Variants in MAP3K9 observed in about 807,000 individuals in gnomAD.
MAP3K9 encodes mitogen-activated protein kinase kinase kinase 9.
A neutral mutation model predicts 95.8 loss-of-function variants in MAP3K9; 46 were observed. The ratio of observed to expected loss-of-function variants is 0.48; its 90% CI spans 0.38 to 0.61. MAP3K9 has a LOEUF of 0.61. MAP3K9 is among the 20% of genes least tolerant of loss of function. The pLI is 0.00. For missense variants in MAP3K9, 1,296 were observed against 1,474.3 expected, an observed-to-expected ratio of 0.88 and a Z score of 1.98; for synonymous variants, 533 against 593.8, an observed-to-expected ratio of 0.90 and a Z score of 1.49.
In MAP3K9 at chr14:70,754,732, A is replaced by G. The variant is rs574983389; in HGVS notation, c.1002-4651T>C. The stretch of plus-strand genomic sequence containing the variant: ...GTGATCTGCCCGCCTCAGCCTCCCA[A>G]AGTGCTGAGATTACAGGTGTAAGCC... On this transcript the variant is annotated intron_variant, in intron 3 of 11. Coordinates refer to ENST00000554752, the MANE Select transcript of MAP3K9 (RefSeq NM_001284230.2). Among the ~76,000 whole-genome samples, 3 of 152,196 alleles carry G rather than the reference A, an allele frequency of 2.0e-5. No homozygotes were observed. In the South Asian group the frequency reaches 6.2e-4, roughly 32 times the overall value.
At chr14:70,762,942 T>G (rs1006017296) in intron 2 of MAP3K9, among the ~76,000 whole-genome samples, 7 of 152,246 alleles carry the variant, frequency 4.6e-5, no homozygotes, top group African/African-American at 1.7e-4. Context: ...TTCTTTTGCA[T>G]GTGGCTATGC....
At position 70,761,148 on chromosome 14, in the gene MAP3K9, C is replaced by A; in HGVS notation, c.855G>T (p.Leu285=). 6.2e-7 allele frequency: 1 copy of A among 1,614,028 alleles called. No homozygotes were observed. Among genetic ancestry groups the A allele is most frequent in the Non-Finnish European group, 8.5e-7 (1 of 1,179,958 alleles). ...LILQKVENGD[L]SNKILKITDF... is the part of the protein sequence containing the mutation. Reference sequence around the variant, plus strand: ...CAGTGATCTTCAGAATCTTGTTGCTCAGGTCTCCATTCTCCACCTTCTGGA... The same window carrying A: ...CAGTGATCTTCAGAATCTTGTTGCTAAGGTCTCCATTCTCCACCTTCTGGA... Residue 285 remains leucine (L), a synonymous_variant, in exon 3 of 12, where the codon CTG becomes CTT. Transcript: ENST00000554752.
At chr14:70,764,277 G>A (rs1741133314) in intron 2 of MAP3K9, among the ~76,000 whole-genome samples, 1 of 151,006 alleles carries the variant, frequency 6.6e-6, no homozygotes, top group Admixed American at 6.6e-5. Flanking sequence ...TGTTATTATA[G>A]GAGATTAACA....
At chr14:70,796,547 G>A (rs1055849760) in intron 2 of MAP3K9, among the ~76,000 whole-genome samples, 1 of 152,174 alleles carries the variant, frequency 6.6e-6, no homozygotes, top group Non-Finnish European at 1.5e-5. Context: ...TGGGTTCAAT[G>A]ACACCCAGCA....
chr14:70,736,125 A>T, intron 8 of MAP3K9, 96 bp from the exon 9 acceptor site: 1 of 765,562 alleles, frequency 1.3e-6, no homozygotes, highest in Non-Finnish European at 2.3e-6. Flanking sequence ...TTCACACCAC[A>T]TCGCCAGCTG....
chr14:70,781,137 C>A (rs1023690352), intron 2 of MAP3K9, among the ~76,000 whole-genome samples: 5 of 152,224 alleles, frequency 3.3e-5, no homozygotes, highest in Admixed American at 1.3e-4. Context: ...CTCACTTTAA[C>A]AGAATGCAGA....
intron 6 of MAP3K9, among the ~76,000 whole-genome samples, chr14:70,741,291 T>C (rs1044819743): frequency 2.6e-5 from 4 of 152,164 alleles, no homozygotes; most frequent in Admixed American, 2.0e-4. Flanking sequence ...GGTATCTGCA[T>C]GTTGGTCAGG....
At chr14:70,783,280 G>A (rs576137263) in intron 2 of MAP3K9, 7 of 938,050 alleles carry the variant, frequency 7.5e-6, no homozygotes, top group African/African-American at 5.3e-5. Context: ...GAAGGAAGAC[G>A]GCATCCTAAA....
intron 3 of MAP3K9, among the ~76,000 whole-genome samples, chr14:70,760,475 G>C (rs2139779227): frequency 6.6e-6 from 1 of 152,268 alleles, no homozygotes; most frequent in South Asian, 2.1e-4. Context: ...TCAACAGATA[G>C]AGCCTTGACT....
chr14:70,774,386 C>T (rs929647117), intron 2 of MAP3K9, among the ~76,000 whole-genome samples: 4 of 152,218 alleles, frequency 2.6e-5, no homozygotes, highest in Admixed American at 2.0e-4. Context: ...TTATATCAGG[C>T]TGGGCGCGGT....
chr14:70,787,934 G>A (rs376585149), intron 2 of MAP3K9, among the ~76,000 whole-genome samples: 1 of 152,164 alleles, frequency 6.6e-6, no homozygotes, highest in South Asian at 2.1e-4. Flanking sequence ...GAGATGGGGG[G>A]AGCAAGGGAA....
rs773668297 is a variant in MAP3K9 at position 70,809,037 on chromosome 14, G to C, written c.135C>G (p.Pro45=). Residue 45 remains proline (P), a synonymous_variant, in exon 1 of 12, where the codon CCC becomes CCG. Transcript: ENST00000554752. The part of the protein sequence containing the change: ...EEEEAAAAVG[P]GELGCDAPLP... ...GCGGCGCGTCGCAGCCCAGCTCCCC[G>C]GGGCCCACCGCCGCCGCCGCCTCCT... The C allele has an allele frequency of 2.0e-6, 3 of 1,472,942 alleles. No individual in the cohort carries two copies. Among genetic ancestry groups the C allele is most frequent in the Non-Finnish European group, 2.7e-6 (3 of 1,117,770 alleles). The allele number at this position is 1,472,942 out of a possible 1,614,324, so 91.2% of individuals were successfully genotyped here. A position where few individuals can be genotyped will look rare whatever the true frequency, so the allele number is the denominator to read the frequency against.
intron 1 of MAP3K9, among the ~76,000 whole-genome samples, chr14:70,803,667 A>T (rs189402478): frequency 2.0e-5 from 3 of 152,344 alleles, no homozygotes; most frequent in African/African-American, 7.2e-5. Flanking sequence ...TCTTAGGTGG[A>T]TGTTAGTGGA....
chr14:70,775,922 C>T (rs1199740602), intron 2 of MAP3K9, among the ~76,000 whole-genome samples: 1 of 152,210 alleles, frequency 6.6e-6, no homozygotes, highest in Non-Finnish European at 1.5e-5. Context: ...GGTGTGGTGG[C>T]TCAAGCCTGT....
intron 2 of MAP3K9, among the ~76,000 whole-genome samples, chr14:70,798,769 C>T (rs1394618901): frequency 6.6e-6 from 1 of 152,016 alleles, no homozygotes; most frequent in Non-Finnish European, 1.5e-5. Context: ...TGAGCCACCG[C>T]GCCCGGCCCA....
chr14:70,798,998 G>A (rs995948194), intron 2 of MAP3K9, among the ~76,000 whole-genome samples: 14 of 152,052 alleles, frequency 9.2e-5, no homozygotes, highest in Non-Finnish European at 1.6e-4. Context: ...AAAGAACACA[G>A]GTAGAAAAGA....
chr14:70,802,404 A>C (rs1001799255), intron 1 of MAP3K9, among the ~76,000 whole-genome samples: 6 of 152,162 alleles, frequency 3.9e-5, no homozygotes. Flanking sequence ...ATTTGAACCT[A>C]AGGTACTTGA....
chr14:70,753,837 TTTGA>T (rs1439823336), intron 3 of MAP3K9, among the ~76,000 whole-genome samples: 1 of 152,102 alleles, frequency 6.6e-6, no homozygotes, highest in African/African-American at 2.4e-5. Context: ...AGGAGGGGTG[TTTGA>T]TTTTTTTTTC....
chr14:70,767,544 AGT>A (rs1287440597), intron 2 of MAP3K9, among the ~76,000 whole-genome samples: 2 of 152,116 alleles, frequency 1.3e-5, no homozygotes, highest in African/African-American at 4.8e-5. Flanking sequence ...CTAGAGAAAG[AGT>A]AATACCTCAG....
Sources: allele counts gnomAD v4.1 joint callset (sites outside exome capture counted in the v4.1 genomes callset), GRCh38; gene constraint gnomAD v4.1.1; transcripts MANE v1.5; gene names NCBI Gene and HGNC (gene_info 2026-07-23, HGNC 2026-07-21).